The following BCAR3 variants were observed in gnomAD, a reference collection of about 807,000 sequenced individuals.
The protein encoded by BCAR3 is BCAR3 adaptor protein, NSP family member, also known as breast cancer anti-estrogen resistance protein 3.
BCAR3 carries 37 observed loss-of-function variants against 80.1 expected under a neutral mutation model. The observed-to-expected ratio is 0.46, with a 90% CI of 0.36 to 0.61. The LOEUF is 0.61. Ranked by LOEUF, BCAR3 falls within the 20% of genes least tolerant of loss-of-function variation. The pLI is 0.00. For missense variants in BCAR3, 978 were observed against 1,068.2 expected, an observed-to-expected ratio of 0.92 and a Z score of 1.18; for synonymous variants, 389 against 418.9, an observed-to-expected ratio of 0.93 and a Z score of 0.87.
chr1:93,806,941 CCT>C (rs1653672327), intron 2 of BCAR3, among the ~76,000 whole-genome samples: 1 of 152,006 alleles, frequency 6.6e-6, no homozygotes, highest in Non-Finnish European at 1.5e-5. Flanking sequence ...ATGGCAAACC[CCT>C]GTCTCTACAA....
chr1:93,846,980 GC>G (rs1389199358), intron 1 of BCAR3: 1 of 193,466 alleles, frequency 5.2e-6, no homozygotes, highest in African/African-American at 4.6e-4. Context: ...TCGCGCGGCG[GC>G]GCTCGCGCGC....
chr1:93,650,010 G>A (rs572113845), intron 2 of BCAR3, among the ~76,000 whole-genome samples: 1 of 150,344 alleles, frequency 6.7e-6, no homozygotes, highest in South Asian at 2.1e-4. Flanking sequence ...TCCCTTAAAC[G>A]AGAACTCTGA....
At chr1:93,704,067 T>C (rs1033648347) in intron 3 of BCAR3, among the ~76,000 whole-genome samples, 1 of 152,230 alleles carries the variant, frequency 6.6e-6, no homozygotes, top group Non-Finnish European at 1.5e-5. Context: ...GACATTTCCA[T>C]CATCACAGAA....
intron 2 of BCAR3, among the ~76,000 whole-genome samples, chr1:93,749,038 T>C (rs1651452096): frequency 6.6e-6 from 1 of 152,208 alleles, no homozygotes; most frequent in Non-Finnish European, 1.5e-5. Flanking sequence ...TACAAGATGA[T>C]CTGCATTAAC....
chr1:93,779,180 T>G (rs1424407079), intron 2 of BCAR3, among the ~76,000 whole-genome samples: 1 of 152,110 alleles, frequency 6.6e-6, no homozygotes, highest in Non-Finnish European at 1.5e-5. Flanking sequence ...GGAAGCATGG[T>G]GAAGATAGGC....
At position 93,588,970 on chromosome 1, in the gene BCAR3, G is replaced by A; in HGVS notation, c.929+7C>T. 2 of 1,555,180 alleles carry A rather than the reference G, an allele frequency of 1.3e-6. No homozygotes were observed. The highest frequency in any genetic ancestry group is 1.7e-6 in the Non-Finnish European group (2 of 1,146,206). ...CTCATAGTCCTGCAGAGGAGGCCCT[G>A]ACCTACCTGAGGAGGTTTCCCCTGG... On this transcript the variant is annotated splice_region_variant and intron_variant, in intron 5 of 11. Coordinates refer to ENST00000260502, the MANE Select transcript of BCAR3 (RefSeq NM_003567.4).
chr1:93,847,041 G>A, intron 1 of BCAR3: 1 of 290,384 alleles, frequency 3.4e-6, no homozygotes, highest in Non-Finnish European at 7.0e-6. Flanking sequence ...CGAGGGAAGA[G>A]CCCAGGCCCG....
intron 2 of BCAR3, among the ~76,000 whole-genome samples, chr1:93,816,553 C>T (rs1363669176): frequency 6.7e-6 from 1 of 150,290 alleles, no homozygotes; most frequent in African/African-American, 2.5e-5. Flanking sequence ...CGCCTGTAAT[C>T]CCAGTTACTC....
chr1:93,678,338 G>A (rs983235847), intron 1 of BCAR3, among the ~76,000 whole-genome samples: 1 of 152,172 alleles, frequency 6.6e-6, no homozygotes, highest in African/African-American at 2.4e-5. Context: ...ATTCTTCAAT[G>A]CATACATTCA....
chr1:93,653,805 AT>A (rs1250293042), intron 2 of BCAR3, among the ~76,000 whole-genome samples: 3 of 152,106 alleles, frequency 2.0e-5, no homozygotes. Flanking sequence ...GTAGGTGGTG[AT>A]GCGAAATGCT....
intron 2 of BCAR3, among the ~76,000 whole-genome samples, chr1:93,764,646 C>T (rs561143397): frequency 6.6e-6 from 1 of 152,276 alleles, no homozygotes; most frequent in South Asian, 2.1e-4. Context: ...AGACCTGGCT[C>T]CCCATGACAC....
At chr1:93,781,436 A>C (rs972139925) in intron 2 of BCAR3, among the ~76,000 whole-genome samples, 15 of 152,250 alleles carry the variant, frequency 9.9e-5, no homozygotes, top group Non-Finnish European at 2.2e-4. Flanking sequence ...TCATTAGTCC[A>C]TGAATATTAA....
At chr1:93,727,942 G>A (rs1650649792) in intron 2 of BCAR3, among the ~76,000 whole-genome samples, 1 of 152,220 alleles carries the variant, frequency 6.6e-6, no homozygotes, top group Non-Finnish European at 1.5e-5. Flanking sequence ...AGAAGAGACA[G>A]GGCAAGAAAC....
At chr1:93,658,459 C>T (rs1647492428) in intron 2 of BCAR3, among the ~76,000 whole-genome samples, 1 of 151,074 alleles carries the variant, frequency 6.6e-6, no homozygotes, top group African/African-American at 2.4e-5. Context: ...CCAGTCTGGG[C>T]AACATGGTGA....
chr1:93,722,544 A>C (rs966933909), intron 2 of BCAR3, among the ~76,000 whole-genome samples: 2 of 152,044 alleles, frequency 1.3e-5, no homozygotes, highest in Non-Finnish European at 2.9e-5. Context: ...GAGGGACGCT[A>C]TTTCTCCTCC....
chr1:93,752,430 T>A (rs1159583298), intron 2 of BCAR3, among the ~76,000 whole-genome samples: 2 of 152,226 alleles, frequency 1.3e-5, no homozygotes, highest in Middle Eastern at 3.2e-3. Context: ...ATAAAACAAA[T>A]TCCTGCCCCC....
intron 1 of BCAR3, among the ~76,000 whole-genome samples, chr1:93,846,172 A>C (rs1655169615): frequency 6.6e-6 from 1 of 152,104 alleles, no homozygotes; most frequent in African/African-American, 2.4e-5. Flanking sequence ...AATCCCTACC[A>C]CACTGGACTC....
intron 3 of BCAR3, among the ~76,000 whole-genome samples, chr1:93,638,342 G>T (rs961139743): frequency 1.3e-5 from 2 of 152,124 alleles, no homozygotes; most frequent in African/African-American, 2.4e-5. Context: ...ATCTGGGAAG[G>T]GGAACACATG....
Position 93,620,123 on chromosome 1 carries a change from G to A in BCAR3, c.357+22181C>T, listed in dbSNP as rs557479030. 2.5e-4 allele frequency among the ~76,000 whole-genome samples: 38 copies of A among 152,206 alleles called. 1 individual carries two copies. The South Asian group carries it at 7.3e-3, about 29-fold the overall frequency. On this transcript the variant is annotated intron_variant, in intron 3 of 11. Coordinates refer to ENST00000260502, the MANE Select transcript of BCAR3 (RefSeq NM_003567.4). ...TCGCAGGGCACACGCCCACCCACAC[G>A]CTGGGCTACAGGAACCACGCCTGTA...
Sources: gnomAD v4.1 joint callset for allele counts (sites outside exome capture counted in the v4.1 genomes callset) on GRCh38, gnomAD v4.1.1 for gene constraint, MANE v1.5 for transcripts, NCBI Gene and HGNC (gene_info 2026-07-23, HGNC 2026-07-21) for gene names.